The following PHF24 variants were observed in gnomAD, a reference collection of about 807,000 sequenced individuals.
PHF24 encodes the protein PHD finger protein 24.
A neutral mutation model predicts 42.6 loss-of-function variants in PHF24; 25 were observed. That is an observed-to-expected ratio of 0.59 (90% CI 0.43 to 0.82). PHF24 has a LOEUF of 0.82. Ranked by LOEUF, PHF24 falls within the 40% of genes least tolerant of loss-of-function variation. The pLI is 0.00. For missense variants in PHF24, 470 were observed against 538.1 expected (o/e 0.87, Z 1.25); for synonymous variants, 185 against 204.8 (o/e 0.90, Z 0.83).
chr9:34,911,900 T>C, the PHF24 span, among the ~76,000 whole-genome samples: 1 of 152,194 alleles, frequency 6.6e-6, no homozygotes, highest in Non-Finnish European at 1.5e-5. Context: ...GTGAGTTTCC[T>C]GGGTTGTTTT....
At chr9:34,791,927 G>C in the PHF24 span, among the ~76,000 whole-genome samples, 1 of 152,214 alleles carries the variant, frequency 6.6e-6, no homozygotes, top group East Asian at 1.9e-4. Flanking sequence ...GCATAGTTAA[G>C]AGTTTTGCTC....
the PHF24 span, among the ~76,000 whole-genome samples, chr9:34,774,913 G>T: frequency 6.6e-6 from 1 of 152,266 alleles, no homozygotes; most frequent in East Asian, 1.9e-4. Flanking sequence ...AATAATAATT[G>T]TTGGTGAGGA....
chr9:34,724,544 A>T, the PHF24 span: 1 of 1,549,008 alleles, frequency 6.5e-7, no homozygotes, highest in African/African-American at 1.4e-5. Flanking sequence ...TATCTCTAGG[A>T]CCTTTTTTCT....
chr9:34,835,978 G>A, the PHF24 span: 2 of 707,166 alleles, frequency 2.8e-6, no homozygotes, highest in Non-Finnish European at 5.3e-6. Flanking sequence ...CAGAGCCATA[G>A]CATTGCAAAT....
chr9:34,705,491 G>T, the PHF24 span, among the ~76,000 whole-genome samples: 1 of 152,136 alleles, frequency 6.6e-6, no homozygotes, highest in African/African-American at 2.4e-5. Flanking sequence ...TCATTGTGTT[G>T]CCCAGGTTGG....
At chr9:34,893,819 T>C in the PHF24 span, among the ~76,000 whole-genome samples, 1 of 152,138 alleles carries the variant, frequency 6.6e-6, no homozygotes, top group Non-Finnish European at 1.5e-5. Context: ...GCATCACCAG[T>C]TAGAACCCGG....
At chr9:34,906,266 G>A in the PHF24 span, among the ~76,000 whole-genome samples, 1 of 152,030 alleles carries the variant, frequency 6.6e-6, no homozygotes, top group East Asian at 1.9e-4. Context: ...ATTACAATTT[G>A]GTTTTATACA....
At chr9:34,951,037 G>T in the PHF24 span, among the ~76,000 whole-genome samples, 2 of 152,270 alleles carry the variant, frequency 1.3e-5, no homozygotes, top group East Asian at 3.9e-4. Context: ...GGATAATGAG[G>T]AAACATTATG....
chr9:34,755,384 T>C, the PHF24 span, among the ~76,000 whole-genome samples: 1 of 152,090 alleles, frequency 6.6e-6, no homozygotes, highest in African/African-American at 2.4e-5. Context: ...TTTCTCTGCA[T>C]CCTCATCAGC....
chr9:34,842,304 C>G, the PHF24 span, among the ~76,000 whole-genome samples: 1 of 152,130 alleles, frequency 6.6e-6, no homozygotes, highest in South Asian at 2.1e-4. Context: ...CATTCATGTA[C>G]CAGTCTTTAT....
chr9:34,706,739 A>G, the PHF24 span, among the ~76,000 whole-genome samples: 4 of 152,158 alleles, frequency 2.6e-5, 1 homozygote, highest in East Asian at 7.7e-4. Context: ...TTTTCTTTTC[A>G]CTATAGAGTA....
chr9:34,864,959 G>A, the PHF24 span, among the ~76,000 whole-genome samples: 7 of 151,918 alleles, frequency 4.6e-5, no homozygotes, highest in Middle Eastern at 3.4e-3. Context: ...GGCAGATCAC[G>A]AGGTCAAGAG....
At chr9:34,911,105 T>A in the PHF24 span, among the ~76,000 whole-genome samples, 1 of 152,214 alleles carries the variant, frequency 6.6e-6, no homozygotes, top group African/African-American at 2.4e-5. Context: ...ATTACAGGCA[T>A]GAGCCACCAT....
At chr9:34,822,614 C>T in the PHF24 span, among the ~76,000 whole-genome samples, 1 of 152,094 alleles carries the variant, frequency 6.6e-6, no homozygotes, top group African/African-American at 2.4e-5. Context: ...TTGTTATGTG[C>T]GTGATTCCAG....
At chr9:34,797,516 A>T in the PHF24 span, among the ~76,000 whole-genome samples, 1 of 152,152 alleles carries the variant, frequency 6.6e-6, no homozygotes, top group African/African-American at 2.4e-5. Context: ...CGGGCAGCTC[A>T]GTGGCCTAGA....
At chr9:34,864,351 A>G in the PHF24 span, among the ~76,000 whole-genome samples, 19 of 152,210 alleles carry the variant, frequency 1.2e-4, no homozygotes, top group Non-Finnish European at 2.2e-4. Flanking sequence ...CAAGGCATCT[A>G]ATGAACTCCC....
chr9:34,793,288 A>G, the PHF24 span, among the ~76,000 whole-genome samples: 6 of 152,144 alleles, frequency 3.9e-5, no homozygotes, highest in Admixed American at 3.9e-4. Flanking sequence ...TCCTTACCTC[A>G]AGAACCATTG....
chr9:34,971,305 G>A (rs1463375086), exon 2 of PHF24: 1 of 1,601,906 alleles, frequency 6.2e-7, no homozygotes, highest in African/African-American at 1.3e-5. Flanking sequence ...AGCCATGGGG[G>A]TGTTGATGTC....
chr9:34,756,849 G>A, the PHF24 span, among the ~76,000 whole-genome samples: 2 of 152,112 alleles, frequency 1.3e-5, no homozygotes, highest in African/African-American at 4.8e-5. Context: ...CTGTGAGCAT[G>A]GAATGTCTTC....
Sources: gnomAD v4.1 joint callset for allele counts (sites outside exome capture counted in the v4.1 genomes callset) on GRCh38, gnomAD v4.1.1 for gene constraint, MANE v1.5 for transcripts, NCBI Gene and HGNC (gene_info 2026-07-23, HGNC 2026-07-21) for gene names.